IL36B: variants seen among roughly 807,000 people sequenced by gnomAD.
IL36B encodes the protein interleukin 36 beta, also known as interleukin-36 beta.
IL36B carries 23 observed loss-of-function variants against 19.3 expected under a neutral mutation model. That is an observed-to-expected ratio of 1.19 (90% CI 0.86 to 1.69). The LOEUF is 1.69. Ranked by LOEUF, IL36B falls within the 40% of genes most tolerant of loss-of-function variation. The probability of loss-of-function intolerance (pLI) is 0.00; values close to 1 mark genes in which losing one functional copy is unlikely to be tolerated. For synonymous variants in IL36B, 59 were observed against 59.7 expected (o/e 0.99, Z 0.05); for missense variants, 217 against 200.5 (o/e 1.08, Z -0.50).
chr2:113,048,229 T>G (rs721870), intron 1 of IL36B, among the ~76,000 whole-genome samples: 39,356 of 152,106 alleles, frequency 0.26, 5,683 homozygotes, highest in African/African-American at 0.4. Flanking sequence ...CTGGCCAACA[T>G]GGTGAAACCC....
rs528356068 is a variant in IL36B at position 113,022,636 on chromosome 2, C to T, written c.*38G>A. The T allele has an allele frequency of 9.1e-6, 12 of 1,325,612 alleles. No homozygotes were observed. The highest frequency in any genetic ancestry group is 1.3e-5 in the Non-Finnish European group (12 of 918,224). 82.1% of individuals were successfully genotyped at this position (1,325,612 alleles called of 1,614,324 possible). A position where few individuals can be genotyped will look rare whatever the true frequency, so the allele number is the denominator to read the frequency against. On this transcript the variant is annotated 3_prime_UTR_variant, in exon 6 of 6. Transcript: ENST00000259213. ...GCATTTCATTGATAGCAAACCCACT[C>T]AAAGATTGTAGAGATGGGAATCTTC...
chr2:113,025,994 C>T, intron 5 of IL36B: 1 of 1,489,198 alleles, frequency 6.7e-7, no homozygotes, highest in South Asian at 1.3e-5. Flanking sequence ...TTAGACCTGC[C>T]ATGGGTGATT....
At chr2:113,032,200 T>C (rs1364664814) in intron 1 of IL36B, among the ~76,000 whole-genome samples, 1 of 150,110 alleles carries the variant, frequency 6.7e-6, no homozygotes, top group East Asian at 2.0e-4. Context: ...ACACAGCAGG[T>C]TAATCACCAC....
chr2:113,051,419 C>T (rs1685442963), intron 1 of IL36B, among the ~76,000 whole-genome samples: 1 of 150,892 alleles, frequency 6.6e-6, no homozygotes, highest in South Asian at 2.1e-4. Context: ...CGGAGCCTCA[C>T]CTGCCCTGTG....
chr2:113,041,793 G>C (rs1685262422), intron 1 of IL36B, among the ~76,000 whole-genome samples: 2 of 152,192 alleles, frequency 1.3e-5, no homozygotes, highest in African/African-American at 4.8e-5. Flanking sequence ...CTAGGCTGGA[G>C]TGCAGTGGCT....
intron 1 of IL36B, among the ~76,000 whole-genome samples, chr2:113,036,380 G>A (rs1221394431): frequency 6.7e-6 from 1 of 149,446 alleles, no homozygotes; most frequent in Non-Finnish European, 1.5e-5. Flanking sequence ...CATGAAGTGG[G>A]TGCTGAGTCT....
chr2:113,028,000 A>G, intron 4 of IL36B: 1 of 1,614,158 alleles, frequency 6.2e-7, no homozygotes, highest in Non-Finnish European at 8.5e-7. Context: ...GGTGGCTATG[A>G]ACCAGCCAGG....
intron 1 of IL36B, among the ~76,000 whole-genome samples, chr2:113,047,193 C>T (rs920520877): frequency 3.9e-5 from 6 of 152,092 alleles, no homozygotes. Context: ...TATTTCCTTA[C>T]TTTTTGTTAC....
chr2:113,049,863 G>A (rs1685412017), intron 1 of IL36B, among the ~76,000 whole-genome samples: 1 of 152,124 alleles, frequency 6.6e-6, no homozygotes, highest in Non-Finnish European at 1.5e-5. Context: ...GCTGAGGCAG[G>A]AGAATCACTT....
chr2:113,052,623 T>C lies in IL36B; in HGVS notation c.-58+194A>G, dbSNP rs574976307. Among the ~76,000 whole-genome samples, 6 of 152,354 alleles carry C rather than the reference T, an allele frequency of 3.9e-5. No individual in the cohort carries two copies. The South Asian group carries it at 1.2e-3, about 32-fold the overall frequency. On this transcript the variant is annotated intron_variant, in intron 1 of 5. Transcript: ENST00000259213. The stretch of plus-strand genomic sequence containing the variant: ...AATGTGTAACAAACGTTAACCTTTC[T>C]TGTCAGCAAATTTAAAACCTCACAG...
chr2:113,041,833 G>A (rs1015670460), intron 1 of IL36B, among the ~76,000 whole-genome samples: 7 of 152,188 alleles, frequency 4.6e-5, no homozygotes, highest in Admixed American at 4.6e-4. Flanking sequence ...GTGCAAGGCA[G>A]CCTTGAACTC....
At chr2:113,023,510 A>G (rs1188343751) in intron 5 of IL36B, among the ~76,000 whole-genome samples, 1 of 152,246 alleles carries the variant, frequency 6.6e-6, no homozygotes, top group South Asian at 2.1e-4. Context: ...TACGAGCAAT[A>G]GAGAACATCA....
chr2:113,028,096 A>G (rs149524361), intron 4 of IL36B: 15 of 1,613,914 alleles, frequency 9.3e-6, no homozygotes, highest in African/African-American at 8.0e-5. Context: ...CTCCACATAC[A>G]GGTCCATGAT....
chr2:113,037,950 T>C (rs1685190737), intron 1 of IL36B, among the ~76,000 whole-genome samples: 1 of 152,204 alleles, frequency 6.6e-6, no homozygotes, highest in Non-Finnish European at 1.5e-5. Context: ...AATTTGTGTG[T>C]CTTTCTTTAG....
intron 1 of IL36B, among the ~76,000 whole-genome samples, chr2:113,047,038 T>C (rs1030956297): frequency 1.3e-5 from 2 of 152,258 alleles, no homozygotes; most frequent in Non-Finnish European, 2.9e-5. Flanking sequence ...TGGTGCTCAC[T>C]GATATTTGTT....
intron 1 of IL36B, among the ~76,000 whole-genome samples, chr2:113,033,690 C>T (rs1685118847): frequency 6.6e-6 from 1 of 152,170 alleles, no homozygotes; most frequent in Admixed American, 6.5e-5. Flanking sequence ...GATTATGTGA[C>T]ATGCCTCCCC....
At chr2:113,052,257 A>G (rs1685461891) in intron 1 of IL36B, among the ~76,000 whole-genome samples, 1 of 151,880 alleles carries the variant, frequency 6.6e-6, no homozygotes, top group Non-Finnish European at 1.5e-5. Context: ...GCTGGTTTCT[A>G]TTATCTTCTT....
intron 4 of IL36B, among the ~76,000 whole-genome samples, chr2:113,027,090 G>A (rs1329519554): frequency 6.6e-6 from 1 of 152,188 alleles, no homozygotes; most frequent in Non-Finnish European, 1.5e-5. Context: ...TTACAATGAA[G>A]TAGGCTAGAG....
intron 5 of IL36B, among the ~76,000 whole-genome samples, chr2:113,025,769 T>C (rs955834291): frequency 6.6e-6 from 1 of 152,002 alleles, no homozygotes; most frequent in Non-Finnish European, 1.5e-5. Flanking sequence ...AGCAGGAACA[T>C]AGAGGGAAGA....
Sources: gnomAD v4.1 joint callset for allele counts (sites outside exome capture counted in the v4.1 genomes callset) on GRCh38, gnomAD v4.1.1 for gene constraint, MANE v1.5 for transcripts, NCBI Gene and HGNC (gene_info 2026-07-23, HGNC 2026-07-21) for gene names.